The following HERC3 variants were observed in gnomAD, a reference collection of about 807,000 sequenced individuals.
The protein encoded by HERC3 is HECT and RLD domain containing E3 ubiquitin protein ligase 3.
A neutral mutation model predicts 129.9 loss-of-function variants in HERC3; 58 were observed. The observed-to-expected ratio is 0.45, with a 90% CI of 0.36 to 0.56. The LOEUF is 0.56. Among genes scored for constraint, HERC3 ranks in the 20% least tolerant of loss-of-function variants. HERC3 has a pLI of 0.00. For synonymous variants in HERC3, 430 were observed against 451.0 expected, an observed-to-expected ratio of 0.95 and a Z score of 0.59; for missense variants, 835 against 1,244.2, an observed-to-expected ratio of 0.67 and a Z score of 4.95.
chr4:88,545,634 C>T, the HERC3 span, among the ~76,000 whole-genome samples: 1 of 151,812 alleles, frequency 6.6e-6, no homozygotes, highest in African/African-American at 2.4e-5. Context: ...CTATGTTGCT[C>T]AGGCTGGTCT....
At chr4:88,549,811 T>G in the HERC3 span, among the ~76,000 whole-genome samples, 3 of 152,248 alleles carry the variant, frequency 2.0e-5, no homozygotes, top group African/African-American at 7.2e-5. Flanking sequence ...TTCAAGCGAT[T>G]ATCCTGCCTC....
chr4:88,547,068 A>T, the HERC3 span, among the ~76,000 whole-genome samples: 1 of 152,182 alleles, frequency 6.6e-6, no homozygotes. Flanking sequence ...TCCTAAACTT[A>T]TATAATACAC....
At chr4:88,599,698 CAGT>C (rs1201527797) in intron 2 of HERC3, among the ~76,000 whole-genome samples, 4 of 152,184 alleles carry the variant, frequency 2.6e-5, no homozygotes, top group African/African-American at 9.7e-5. Flanking sequence ...TACCTGGTCA[CAGT>C]ATTCTATCCC....
intron 3 of HERC3, among the ~76,000 whole-genome samples, chr4:88,609,500 G>C (rs924700469): frequency 6.6e-6 from 1 of 152,200 alleles, no homozygotes; most frequent in African/African-American, 2.4e-5. Flanking sequence ...AGAAGCCTAA[G>C]CTGGGAGTTT....
rs148805295 is a variant in HERC3 at position 88,619,560 on chromosome 4, A to G, written c.226+13511A>G. Among the ~76,000 whole-genome samples the G allele has an allele frequency of 3.5e-3, 533 of 152,340 alleles. 8 individuals carry two copies. Among genetic ancestry groups the G allele is most frequent in the African/African-American group, 0.012 (506 of 41,572 alleles). ...AAAAAATTAGGGGAATGTGTTTACAACCGTGAGGGTTTCAACGTGGTCCTG... is the reference window on the plus strand; with the variant it reads ...AAAAAATTAGGGGAATGTGTTTACAGCCGTGAGGGTTTCAACGTGGTCCTG... On this transcript the variant is annotated intron_variant, in intron 3 of 25. Coordinates refer to ENST00000402738, the MANE Select transcript of HERC3 (RefSeq NM_014606.3).
chr4:88,655,369 G>A, intron 8 of HERC3, 65 bp downstream of exon 8: 1 of 1,564,028 alleles, frequency 6.4e-7, no homozygotes, highest in South Asian at 1.1e-5. Flanking sequence ...TCTTTGTAGT[G>A]ATGAAGAATG....
At chr4:88,523,960 A>G in the HERC3 span, 1 of 475,110 alleles carries the variant, frequency 2.1e-6, no homozygotes, top group Non-Finnish European at 3.7e-6. Context: ...TTACCAGACT[A>G]CAAACTAAAC....
chr4:88,690,678 T>A (rs1356469679), intron 23 of HERC3: 2 of 828,626 alleles, frequency 2.4e-6, no homozygotes, highest in Admixed American at 1.2e-4. Flanking sequence ...AGAACTGCCT[T>A]ATTACTCCTT....
At chr4:88,615,098 G>C (rs1020092269) in intron 3 of HERC3, among the ~76,000 whole-genome samples, 1 of 152,188 alleles carries the variant, frequency 6.6e-6, no homozygotes, top group Non-Finnish European at 1.5e-5. Flanking sequence ...TTTTGGAGAA[G>C]GGGCAGCTTT....
intron 23 of HERC3, among the ~76,000 whole-genome samples, chr4:88,702,033 A>G (rs1433735001): frequency 6.6e-6 from 1 of 152,178 alleles, no homozygotes; most frequent in Non-Finnish European, 1.5e-5. Flanking sequence ...GGCTGAAGCC[A>G]TCTGCCTGCC....
At chr4:88,587,895 T>C (rs1289064348), upstream of HERC3, among the ~76,000 whole-genome samples, 1 of 152,228 alleles carries the variant, frequency 6.6e-6, no homozygotes, top group Non-Finnish European at 1.5e-5. Flanking sequence ...CATAGTGAAA[T>C]GTGGGATGCC....
In HERC3 at chr4:88,660,949, G is replaced by A. The variant is rs948929459; in HGVS notation, c.1147-1482G>A. On this transcript the variant is annotated intron_variant, in intron 10 of 25. Coordinates refer to ENST00000402738, the MANE Select transcript of HERC3 (RefSeq NM_014606.3). Reference sequence around the variant, plus strand: ...AAAGTTGAGAAACACTGACCTAAGAGCAATTTTTCCTTTTTTGCCTGTATG... The same window carrying A: ...AAAGTTGAGAAACACTGACCTAAGAACAATTTTTCCTTTTTTGCCTGTATG... 2.0e-5 allele frequency among the ~76,000 whole-genome samples: 3 copies of A among 152,130 alleles called. No individual in the cohort carries two copies. The South Asian group carries it at 6.2e-4, about 32-fold the overall frequency.
At chr4:88,527,778 G>A in the HERC3 span, 8 of 320,080 alleles carry the variant, frequency 2.5e-5, no homozygotes, top group Admixed American at 6.9e-5. Context: ...TTCTGCTGCC[G>A]GTTATCCTCC....
chr4:88,609,112 CAAAAAAAAAA>C lies in HERC3; in HGVS notation c.226+3075_226+3084del, dbSNP rs35489177. Among the ~76,000 whole-genome samples the C allele has an allele frequency of 2.5e-3, 226 of 89,726 alleles. 1 individual carries two copies. The highest frequency in any genetic ancestry group is 8.0e-3 in the African/African-American group (217 of 27,230). 58.9% of individuals were successfully genotyped at this position (89,726 alleles called of 152,430 possible). ...GACCAGCCTGGGCAACATACAGATG[CAAAAAAAAAA>C]AAAAAAAAAAATTAGCTGGGCATGG... On this transcript the variant is annotated intron_variant, in intron 3 of 25. Coordinates refer to ENST00000402738, the MANE Select transcript of HERC3 (RefSeq NM_014606.3).
At chr4:88,699,318 C>CCCACCCACCCACCCCTACCCGCTTCT (rs1735089722) in intron 23 of HERC3, among the ~76,000 whole-genome samples, 2 of 29,884 alleles carry the variant, frequency 6.7e-5, no homozygotes, top group Admixed American at 3.0e-4. Context: ...CACCCTCTTC[C>CCCACCCACCCACCCCTACCCGCTTCT]TCCCCACCCA....
chr4:88,613,538 C>T (rs1458486288), intron 3 of HERC3, among the ~76,000 whole-genome samples: 4 of 152,224 alleles, frequency 2.6e-5, no homozygotes, highest in Non-Finnish European at 5.9e-5. Flanking sequence ...TGCTTTCAAC[C>T]AGCTTCTCAG....
At chr4:88,586,522 C>A in the HERC3 span, among the ~76,000 whole-genome samples, 8 of 151,996 alleles carry the variant, frequency 5.3e-5, no homozygotes. Flanking sequence ...CCATGCCCGG[C>A]TAATTTTGTA....
intron 8 of HERC3, among the ~76,000 whole-genome samples, chr4:88,655,507 A>G (rs1361600983): frequency 6.6e-6 from 1 of 152,210 alleles, no homozygotes; most frequent in African/African-American, 2.4e-5. Context: ...ACACGGAGAC[A>G]TTAGGCTTCT....
In HERC3 at chr4:88,668,007, AG is replaced by A. The variant is rs1444966891; in HGVS notation, c.1560del (p.Lys520AsnfsTer4). The A allele has an allele frequency of 6.2e-7, 1 of 1,613,508 alleles. No individual in the cohort carries two copies. The highest frequency in any genetic ancestry group is 8.5e-7 in the Non-Finnish European group (1 of 1,179,610). ...GAGTTTCCCCTACTCCAGGATTCCA[AG>A]TATTATATAACATTGACTATTCCCT... ...LPEFPLLQDS[K>X]YYITLTIPLA... On this transcript the variant is annotated frameshift_variant, in exon 14 of 26. Transcript: ENST00000402738. LOFTEE classifies it high-confidence loss of function.
Sources: allele counts gnomAD v4.1 joint callset (sites outside exome capture counted in the v4.1 genomes callset), GRCh38; gene constraint gnomAD v4.1.1; transcripts MANE v1.5; gene names NCBI Gene and HGNC (gene_info 2026-07-23, HGNC 2026-07-21).